Variants in PCDHGA8 observed in about 807,000 individuals in gnomAD.
PCDHGA8 encodes the protein protocadherin gamma-A8.
Under a neutral mutation model 59.2 loss-of-function variants are expected in PCDHGA8, and 45 were observed. The observed-to-expected ratio is 0.76, with a 90% CI of 0.60 to 0.98. The LOEUF (loss-of-function observed/expected upper bound fraction) is 0.98, where lower values mean the gene tolerates loss of function less well. Among genes scored for constraint, PCDHGA8 ranks in the 50% least tolerant of loss-of-function variants. PCDHGA8 has a pLI of 0.00. For missense variants in PCDHGA8, 1,257 were observed against 1,196.2 expected (o/e 1.05, Z -0.75); for synonymous variants, 531 against 519.0 (o/e 1.02, Z -0.32).
chr5:141,422,513 G>T, intron 1 of PCDHGA8: 2 of 1,614,000 alleles, frequency 1.2e-6, no homozygotes, highest in Non-Finnish European at 1.7e-6. Context: ...ACAGACCAGG[G>T]AAGCCCGCCT....
In PCDHGA8 at chr5:141,491,764, C is replaced by T; in HGVS notation, c.2425-3043C>T. The stretch of plus-strand genomic sequence containing the variant: ...CGGCACTGGAGAAGCCGCCCGTCCT[C>T]ATAAGGGATTGAACTTGCATCCACT... On this transcript the variant is annotated intron_variant, in intron 1 of 3. Transcript: ENST00000398604. The surrounding 1 kb of genome is among the most constrained non-coding windows in gnomAD (Gnocchi z 6.9). The T allele has an allele frequency of 6.4e-7, 1 of 1,570,206 alleles. No homozygotes were observed. Among genetic ancestry groups the T allele is most frequent in the Non-Finnish European group, 8.6e-7 (1 of 1,159,296 alleles).
At chr5:141,420,462 G>T in intron 1 of PCDHGA8, 2 of 892,618 alleles carry the variant, frequency 2.2e-6, no homozygotes. Context: ...ACTATTCAAA[G>T]ACATTTTAAA....
chr5:141,430,795 G>T (rs918154748), intron 1 of PCDHGA8: 7 of 1,522,458 alleles, frequency 4.6e-6, no homozygotes, highest in Non-Finnish European at 6.2e-6. Flanking sequence ...ACTACAAAGG[G>T]CTTGTCCTGC....
intron 2 of PCDHGA8, among the ~76,000 whole-genome samples, chr5:141,503,688 T>A (rs2099828724): frequency 6.6e-6 from 1 of 152,042 alleles, no homozygotes; most frequent in African/African-American, 2.4e-5. Context: ...GGAAGGAGAA[T>A]TGAGATTCCT....
At chr5:141,413,089 C>A in intron 1 of PCDHGA8, 1 of 1,401,120 alleles carries the variant, frequency 7.1e-7, no homozygotes, top group Non-Finnish European at 9.7e-7. Context: ...TACAGAGACA[C>A]CCTGAAGCCA....
intron 1 of PCDHGA8, among the ~76,000 whole-genome samples, chr5:141,438,587 CAT>C (rs1372372472): frequency 3.8e-4 from 28 of 73,432 alleles, no homozygotes; most frequent in African/African-American, 1.4e-3. Flanking sequence ...TACATACATA[CAT>C]ACATATATAT....
intron 3 of PCDHGA8, among the ~76,000 whole-genome samples, chr5:141,510,034 T>A (rs2099879281): frequency 6.6e-6 from 1 of 152,156 alleles, no homozygotes; most frequent in Non-Finnish European, 1.5e-5. Flanking sequence ...TGGGCTGTTA[T>A]GTAGAGGTTA....
At position 141,393,197 on chromosome 5, in the gene PCDHGA8, T is replaced by C. The variant is rs1470064881; in HGVS notation, c.384T>C (p.Asp128=). The C allele has an allele frequency of 6.2e-7, 1 of 1,613,448 alleles. No individual in the cohort carries two copies. Among genetic ancestry groups the C allele is most frequent in the South Asian group, 1.1e-5 (1 of 91,084 alleles). The change falls in exon 1 of 4, where the codon GAT becomes GAC. Residue 128 remains aspartate, a synonymous_variant. Coordinates refer to ENST00000398604, the MANE Select transcript of PCDHGA8 (RefSeq NM_032088.2). ...AAATAGAAATAATTGATATTAACGA[T>C]AATAACCCAAAATTCCAGGTCGAAG... is the stretch of plus-strand genomic sequence containing the variant. ...GVEIEIIDIN[D]NNPKFQVEDL... is the part of the protein sequence containing the mutation.
chr5:141,471,444 A>T (rs1366430114), intron 1 of PCDHGA8: 1 of 152,150 alleles, frequency 6.6e-6, no homozygotes, highest in Non-Finnish European at 1.5e-5. Flanking sequence ...AATCTCATGT[A>T]CCTTTTGAAA....
At chr5:141,410,266 G>A in intron 1 of PCDHGA8, 1 of 1,614,036 alleles carries the variant, frequency 6.2e-7, no homozygotes, top group South Asian at 1.1e-5. Context: ...AGGCTGAACT[G>A]CAGTTTTACC....
intron 1 of PCDHGA8, among the ~76,000 whole-genome samples, chr5:141,439,449 G>A (rs761506247): frequency 4.6e-5 from 7 of 152,184 alleles, no homozygotes; most frequent in Admixed American, 3.9e-4. Context: ...TATTGCGGGA[G>A]CAAGACTGCA....
At chr5:141,465,867 A>G (rs1049493106) in intron 1 of PCDHGA8, among the ~76,000 whole-genome samples, 5 of 152,040 alleles carry the variant, frequency 3.3e-5, no homozygotes, top group African/African-American at 9.7e-5. Context: ...TCATGCCTGT[A>G]ATCCCAGCAC....
chr5:141,444,377 G>A (rs1035830834), intron 1 of PCDHGA8, among the ~76,000 whole-genome samples: 3 of 151,802 alleles, frequency 2.0e-5, no homozygotes, highest in Non-Finnish European at 4.4e-5. Context: ...CTCCATGTTG[G>A]TCAGGCTAGT....
At position 141,481,036 on chromosome 5, in the gene PCDHGA8, C is replaced by T. The variant is rs1040377549; in HGVS notation, c.2425-13771C>T. Among the ~76,000 whole-genome samples, 19 of 151,964 alleles carry T rather than the reference C, an allele frequency of 1.3e-4. 1 individual carries two copies. The highest frequency in any genetic ancestry group is 3.4e-4 in the African/African-American group (14 of 41,456). ...TCACACCACTGCACTCCAGCCTGGG[C>T]GACAGAGCGAGACTCCACCTCAAAA... is the stretch of plus-strand genomic sequence containing the variant. On this transcript the variant is annotated intron_variant, in intron 1 of 3. Transcript: ENST00000398604.
At chr5:141,400,166 C>T (rs370071207) in intron 1 of PCDHGA8, 80 of 1,613,954 alleles carry the variant, frequency 5.0e-5, no homozygotes, top group South Asian at 7.7e-5. Context: ...CCCTCTGACC[C>T]CCAGGCTGAG....
intron 1 of PCDHGA8, chr5:141,414,552 C>G: frequency 6.2e-7 from 1 of 1,613,984 alleles, no homozygotes; most frequent in Non-Finnish European, 8.5e-7. Context: ...TCTCTCAAGT[C>G]TCCTACTTTA....
intron 1 of PCDHGA8, among the ~76,000 whole-genome samples, chr5:141,480,451 T>G (rs2099519323): frequency 6.6e-6 from 1 of 152,136 alleles, no homozygotes; most frequent in African/African-American, 2.4e-5. Flanking sequence ...ATAATTATTT[T>G]TATTAGTTCC....
intron 1 of PCDHGA8, among the ~76,000 whole-genome samples, chr5:141,465,094 G>GTT (rs138941665): frequency 3.4e-5 from 5 of 148,194 alleles, no homozygotes; most frequent in Non-Finnish European, 6.0e-5. Flanking sequence ...TTTTCTAGTA[G>GTT]TTTTTTTTTT....
Position 141,490,602 on chromosome 5 carries a change from C to G in PCDHGA8, c.2425-4205C>G, listed in dbSNP as rs1249440194. On this transcript the variant is annotated intron_variant, in intron 1 of 3. Transcript: ENST00000398604. This position sits in a 1 kb window ranked among gnomAD's most constrained non-coding sequence, Gnocchi z 5.4. Reference sequence around the variant, plus strand: ...ATGTCAATGACAATGCACCCCGCTTCAACCAGCAGCTTTACACTGCTTACA... The same window carrying G: ...ATGTCAATGACAATGCACCCCGCTTGAACCAGCAGCTTTACACTGCTTACA... The G allele has an allele frequency of 6.2e-7, 1 of 1,614,084 alleles. No individual in the cohort carries two copies. Among genetic ancestry groups the G allele is most frequent in the African/African-American group, 1.3e-5 (1 of 74,930 alleles).
Sources: allele counts gnomAD v4.1 joint callset (sites outside exome capture counted in the v4.1 genomes callset), GRCh38; gene constraint gnomAD v4.1.1; non-coding constraint Gnocchi (gnomAD v3.1); transcripts MANE v1.5; gene names NCBI Gene and HGNC (gene_info 2026-07-23, HGNC 2026-07-21).